Variants in PRIM2 observed in about 807,000 individuals in gnomAD.
PRIM2 encodes DNA primase large subunit.
Under a neutral mutation model 67.3 loss-of-function variants are expected in PRIM2, and 39 were observed. That is an observed-to-expected ratio of 0.58 (90% CI 0.45 to 0.76). PRIM2 has a LOEUF of 0.76. Ranked by LOEUF, PRIM2 falls within the 30% of genes least tolerant of loss-of-function variation. The pLI is 0.00. For missense variants in PRIM2, 398 were observed against 598.7 expected, an observed-to-expected ratio of 0.66 and a Z score of 3.50; for synonymous variants, 143 against 198.7, an observed-to-expected ratio of 0.72 and a Z score of 2.36.
At chr6:57,244,248 T>C in the PRIM2 span, among the ~76,000 whole-genome samples, 1 of 152,178 alleles carries the variant, frequency 6.6e-6, no homozygotes, top group Non-Finnish European at 1.5e-5. Flanking sequence ...GGCAGGAACT[T>C]GAACCCTCTC....
intron 8 of PRIM2, among the ~76,000 whole-genome samples, chr6:57,522,922 T>C (rs1774656359): frequency 6.6e-6 from 1 of 152,224 alleles, no homozygotes; most frequent in Admixed American, 6.5e-5. Flanking sequence ...GAATATAGAC[T>C]ATAATGATAG....
chr6:57,284,399 A>C, the PRIM2 span, among the ~76,000 whole-genome samples: 1 of 152,220 alleles, frequency 6.6e-6, no homozygotes, highest in Non-Finnish European at 1.5e-5. Context: ...TAAAAGTTGA[A>C]GATGTAGTCT....
At chr6:57,258,471 CA>C in the PRIM2 span, among the ~76,000 whole-genome samples, 1 of 152,018 alleles carries the variant, frequency 6.6e-6, no homozygotes, top group East Asian at 1.9e-4. Flanking sequence ...AGGAAGAGAA[CA>C]AAAGCCAACC....
At chr6:57,471,356 G>T (rs1245603938) in intron 7 of PRIM2, among the ~76,000 whole-genome samples, 1 of 152,146 alleles carries the variant, frequency 6.6e-6, no homozygotes, top group African/African-American at 2.4e-5. Context: ...TGGTGAAAAG[G>T]AAGAGGAGAT....
chr6:57,607,151 T>C (rs1372146446), intron 12 of PRIM2, among the ~76,000 whole-genome samples: 1 of 152,206 alleles, frequency 6.6e-6, no homozygotes, highest in African/African-American at 2.4e-5. Context: ...TTATATATTT[T>C]AGAGTTAGAC....
chr6:57,466,565 A>G (rs1287536598), intron 7 of PRIM2, among the ~76,000 whole-genome samples: 1 of 152,200 alleles, frequency 6.6e-6, no homozygotes, highest in East Asian at 1.9e-4. Flanking sequence ...CATTTCTCTA[A>G]TGACCAGTGC....
intron 7 of PRIM2, among the ~76,000 whole-genome samples, chr6:57,411,278 A>C (rs559106040): frequency 1.2e-4 from 19 of 152,070 alleles, no homozygotes; most frequent in African/African-American, 4.6e-4. Context: ...TGATCCAATT[A>C]AACCTCTTTT....
intron 12 of PRIM2, among the ~76,000 whole-genome samples, chr6:57,623,522 C>T (rs1776894896): frequency 6.6e-6 from 1 of 152,116 alleles, no homozygotes; most frequent in African/African-American, 2.4e-5. Flanking sequence ...GTATTCATTA[C>T]ATGAAAAATC....
At chr6:57,412,147 G>A (rs557882067) in intron 7 of PRIM2, among the ~76,000 whole-genome samples, 12 of 151,574 alleles carry the variant, frequency 7.9e-5, no homozygotes, top group Admixed American at 4.6e-4. Context: ...ACTGCATGAA[G>A]ACAAAATCAT....
the PRIM2 span, among the ~76,000 whole-genome samples, chr6:57,285,125 C>G: frequency 2.0e-5 from 3 of 152,022 alleles, no homozygotes; most frequent in African/African-American, 7.2e-5. Context: ...ATTGAGGCAG[C>G]AACTAATAGC....
At chr6:57,356,908 C>G (rs1769046325) in intron 5 of PRIM2, among the ~76,000 whole-genome samples, 1 of 151,194 alleles carries the variant, frequency 6.6e-6, no homozygotes, top group Admixed American at 6.6e-5. Flanking sequence ...CTTGGGCTAC[C>G]ATGATTTCTT....
intron 7 of PRIM2, among the ~76,000 whole-genome samples, chr6:57,391,433 T>G (rs1177680193): frequency 6.6e-6 from 1 of 151,592 alleles, no homozygotes; most frequent in African/African-American, 2.4e-5. Context: ...GTCATGAAAT[T>G]TTTGCCCATT....
the PRIM2 span, among the ~76,000 whole-genome samples, chr6:57,303,222 C>T: frequency 6.6e-6 from 1 of 151,984 alleles, no homozygotes; most frequent in African/African-American, 2.4e-5. Context: ...CATTAATTTG[C>T]TAGATGATGC....
chr6:57,311,971 G>A (rs888744330), upstream of PRIM2, among the ~76,000 whole-genome samples: 22 of 139,764 alleles, frequency 1.6e-4, no homozygotes, highest in South Asian at 2.5e-4. Flanking sequence ...AGATCATGGC[G>A]GTACAGTCCA....
intron 12 of PRIM2, among the ~76,000 whole-genome samples, chr6:57,621,039 T>C (rs1776843356): frequency 6.6e-6 from 1 of 152,272 alleles, no homozygotes. Flanking sequence ...TTTTTGTCCC[T>C]CAGTTTCTCC....
chr6:57,613,628 A>G (rs1433062332), intron 12 of PRIM2, among the ~76,000 whole-genome samples: 6 of 152,094 alleles, frequency 3.9e-5, no homozygotes, highest in African/African-American at 1.2e-4. Context: ...CCACACTTTT[A>G]TGGGATCTGG....
chr6:57,465,066 A>T (rs1305483702), intron 7 of PRIM2, among the ~76,000 whole-genome samples: 1 of 152,154 alleles, frequency 6.6e-6, no homozygotes, highest in Non-Finnish European at 1.5e-5. Flanking sequence ...TACTCTGATC[A>T]TTGTAACACA....
chr6:57,461,484 G>A (rs1366428226), intron 7 of PRIM2, among the ~76,000 whole-genome samples: 1 of 152,072 alleles, frequency 6.6e-6, no homozygotes, highest in African/African-American at 2.4e-5. Context: ...AGTGTCTGAA[G>A]GCATAGCAGA....
chr6:57,587,162 G>A (rs1776204005), intron 10 of PRIM2: 1 of 152,212 alleles, frequency 6.6e-6, no homozygotes, highest in Non-Finnish European at 1.5e-5. Flanking sequence ...GTCCTAAAGG[G>A]AGTTGTCATA....
Sources: gnomAD v4.1 joint callset for allele counts (sites outside exome capture counted in the v4.1 genomes callset) on GRCh38, gnomAD v4.1.1 for gene constraint, MANE v1.5 for transcripts, NCBI Gene and HGNC (gene_info 2026-07-23, HGNC 2026-07-21) for gene names.